FRMPD4: variants seen among roughly 807,000 people sequenced by gnomAD.
FRMPD4 encodes FERM and PDZ domain containing 4.
In FRMPD4, 22 loss-of-function variants were observed where a neutral mutation model predicts 94.1. That is an observed-to-expected ratio of 0.23 (90% CI 0.17 to 0.33). The LOEUF is 0.33. Ranked by LOEUF, FRMPD4 falls within the 10% of genes least tolerant of loss-of-function variation. The pLI is 1.00. For synonymous variants in FRMPD4, 631 were observed against 548.6 expected, an observed-to-expected ratio of 1.15 and a Z score of -2.10; for missense variants, 1,111 against 1,339.9, an observed-to-expected ratio of 0.83 and a Z score of 2.67.
chrX:12,323,012 A>C (rs2055231940), intron 1 of FRMPD4, among the ~76,000 whole-genome samples: 1 of 111,784 alleles, frequency 8.9e-6, no homozygotes, highest in Admixed American at 9.5e-5. Flanking sequence ...CTATGCTATG[A>C]ACGTTTTATA....
chrX:11,852,164 G>A (rs1185380673), intron 1 of FRMPD4, among the ~76,000 whole-genome samples: 7 of 110,970 alleles, frequency 6.3e-5, no homozygotes, highest in African/African-American at 2.3e-4. Context: ...TGGCTTTGGT[G>A]GGGATTGAGG....
chrX:12,071,445 A>G (rs1448783045), intron 3 of FRMPD4, among the ~76,000 whole-genome samples: 3 of 111,957 alleles, frequency 2.7e-5, no homozygotes, highest in Admixed American at 9.5e-5. Context: ...AAGGCATTTT[A>G]TTTTGCAGAA....
At chrX:12,212,121 A>G (rs1201556211) in intron 1 of FRMPD4, among the ~76,000 whole-genome samples, 1 of 111,408 alleles carries the variant, frequency 9.0e-6, no homozygotes. Context: ...GTAAAAGGCC[A>G]AACAGTAAAT....
At chrX:12,671,584 G>T (rs2059843993) in intron 4 of FRMPD4, among the ~76,000 whole-genome samples, 1 of 110,350 alleles carries the variant, frequency 9.1e-6, no homozygotes, top group African/African-American at 3.3e-5. Flanking sequence ...AGGGCCTGTT[G>T]GGTGGTGGGG....
chrX:12,633,088 C>A (rs1390843709), intron 4 of FRMPD4, among the ~76,000 whole-genome samples: 1 of 111,858 alleles, frequency 8.9e-6, no homozygotes, highest in Non-Finnish European at 1.9e-5. Context: ...CAGGATTAGA[C>A]AAGTGCTGAC....
chrX:11,921,490 A>G (rs1601839850), intron 3 of FRMPD4, among the ~76,000 whole-genome samples: 1 of 110,962 alleles, frequency 9.0e-6, no homozygotes, highest in Middle Eastern at 4.6e-3. Context: ...TTGTGGGGGG[A>G]CATGATTCAG....
intron 4 of FRMPD4, among the ~76,000 whole-genome samples, chrX:12,617,099 G>T (rs1045089272): frequency 8.9e-6 from 1 of 112,020 alleles, no homozygotes; most frequent in African/African-American, 3.2e-5. Context: ...TGTAAAAAAA[G>T]CGCTCTCTAT....
intron 3 of FRMPD4, among the ~76,000 whole-genome samples, chrX:11,999,740 A>G (rs1009179898): frequency 2.7e-5 from 3 of 111,926 alleles, no homozygotes; most frequent in African/African-American, 9.7e-5. Context: ...AAAAGGTAGA[A>G]AGCAAATCGG....
chrX:11,930,231 A>G (rs2147351487), intron 3 of FRMPD4, among the ~76,000 whole-genome samples: 1 of 110,308 alleles, frequency 9.1e-6, no homozygotes, highest in East Asian at 2.9e-4. Context: ...CACAGCCTGC[A>G]TTGGGCTAGG....
chrX:12,721,295 G>A lies in FRMPD4; in HGVS notation c.4726G>A (p.Asp1576Asn), dbSNP rs1200149383. 2 of 753,849 alleles carry A rather than the reference G, an allele frequency of 2.7e-6. No individual in the cohort carries two copies. Among genetic ancestry groups the A allele is most frequent in the East Asian group, 1.5e-4 (1 of 6,573 alleles). 62.1% of individuals were successfully genotyped at this position (753,849 alleles called of 1,213,427 possible). The part of the protein sequence containing the change: ...KVWAEDLRDP[D>N]DLDFSNLAFD... ...CTGGGCAGAAGACCTGCGAGACCCA[G>A]ATGACTTGGACTTCAGCAACCTGGC... Residue 1576 changes from aspartate to asparagine, a missense_variant, in exon 17 of 17, where the codon GAT becomes AAT. Transcript: ENST00000675598.
intron 3 of FRMPD4, among the ~76,000 whole-genome samples, chrX:12,005,834 C>T (rs773763555): frequency 9.3e-6 from 1 of 107,806 alleles, no homozygotes; most frequent in African/African-American, 3.5e-5. Flanking sequence ...TCTCAAACCA[C>T]CCAACTCCAT....
intron 3 of FRMPD4, among the ~76,000 whole-genome samples, chrX:11,977,302 A>G (rs1266961828): frequency 8.9e-6 from 1 of 112,297 alleles, no homozygotes; most frequent in Admixed American, 9.4e-5. Context: ...ACATATTTTT[A>G]TTCTCTGGTG....
chrX:12,498,519 A>C (rs1472397768), intron 1 of FRMPD4, 161 bp from the exon 2 acceptor site: 2 of 514,138 alleles, frequency 3.9e-6, no homozygotes, highest in Admixed American at 2.6e-5. Context: ...TGAAGTTGTA[A>C]ACTAGAAATT....
At chrX:12,112,047 C>A (rs1174683969) in intron 3 of FRMPD4, among the ~76,000 whole-genome samples, 1 of 111,637 alleles carries the variant, frequency 9.0e-6, no homozygotes, top group African/African-American at 3.3e-5. Flanking sequence ...TACCATTTGA[C>A]CCAGCCATCC....
intron 3 of FRMPD4, among the ~76,000 whole-genome samples, chrX:12,063,821 G>T (rs1477407157): frequency 8.9e-6 from 1 of 112,447 alleles, no homozygotes; most frequent in Non-Finnish European, 1.9e-5. Context: ...TGGTTATTTG[G>T]CATTTCATGT....
At chrX:12,664,425 T>C (rs888072354) in intron 4 of FRMPD4, among the ~76,000 whole-genome samples, 3 of 111,958 alleles carry the variant, frequency 2.7e-5, no homozygotes, top group Non-Finnish European at 5.6e-5. Context: ...GGTGTTGAGT[T>C]TTATTGAAGG....
At position 11,848,077 on chromosome X, in the gene FRMPD4, A is replaced by C. The variant is rs1053976485; in HGVS notation, c.-160-17009A>C. Among the ~76,000 whole-genome samples the C allele has an allele frequency of 3.6e-5, 4 of 110,689 alleles. No individual in the cohort carries two copies. In the South Asian group the frequency reaches 1.5e-3, roughly 42 times the overall value. On this transcript the variant is annotated intron_variant, in intron 1 of 18. Transcript: ENST00000640291. Reference sequence around the variant, plus strand: ...AATAAATAAAAAAAAGAAAAATAATATGATTAGGAGAAAGAAAGAACAAAT... The same window carrying C: ...AATAAATAAAAAAAAGAAAAATAATCTGATTAGGAGAAAGAAAGAACAAAT...
intron 4 of FRMPD4, among the ~76,000 whole-genome samples, chrX:12,662,764 G>A (rs2059730852): frequency 8.9e-6 from 1 of 112,057 alleles, no homozygotes; most frequent in African/African-American, 3.2e-5. Flanking sequence ...CCATATCCTT[G>A]AGGAATTGCC....
At chrX:12,389,427 A>T (rs1453870789) in intron 1 of FRMPD4, among the ~76,000 whole-genome samples, 5 of 108,625 alleles carry the variant, frequency 4.6e-5, no homozygotes, top group African/African-American at 1.7e-4. Flanking sequence ...GTGAGCTGAG[A>T]TCTCACCACT....
Sources: gnomAD v4.1 joint callset for allele counts (sites outside exome capture counted in the v4.1 genomes callset) on GRCh38, gnomAD v4.1.1 for gene constraint, MANE v1.5 for transcripts, NCBI Gene and HGNC (gene_info 2026-07-23, HGNC 2026-07-21) for gene names.